CCDC138: variants seen among roughly 807,000 people sequenced by gnomAD.
CCDC138 encodes coiled-coil domain-containing protein 138.
CCDC138 carries 66 observed loss-of-function variants against 82.3 expected under a neutral mutation model. The observed-to-expected ratio is 0.80, with a 90% CI of 0.66 to 0.98. The LOEUF (loss-of-function observed/expected upper bound fraction) is 0.98. Ranked by LOEUF, CCDC138 falls within the 50% of genes least tolerant of loss-of-function variation. CCDC138 has a pLI of 0.00. For synonymous variants in CCDC138, 297 were observed against 265.4 expected, an observed-to-expected ratio of 1.12 and a Z score of -1.16; for missense variants, 816 against 758.9, an observed-to-expected ratio of 1.08 and a Z score of -0.88.
At position 108,876,097 on chromosome 2, in the gene CCDC138, G is replaced by T; in HGVS notation, c.1842G>T (p.Lys614Asn). Residue 614 changes from lysine (K) to asparagine (N), a missense_variant, in exon 15 of 15, where the codon AAG becomes AAT. By Grantham distance (94) the Lys-to-Asn change is moderately conservative (BLOSUM62 0). Transcript: ENST00000295124. The part of the protein sequence containing the change: ...LQKLSKIKSN[K>N]KLFELFTIHL... ...TTCATTTTTTTTACAGGAGTAATAAGAAGCTCTTTGAACTTTTTACGATTC... is the reference window on the plus strand; with the variant it reads ...TTCATTTTTTTTACAGGAGTAATAATAAGCTCTTTGAACTTTTTACGATTC... 1 of 1,586,150 alleles carries T rather than the reference G, an allele frequency of 6.3e-7. No homozygotes were observed. The highest frequency in any genetic ancestry group is 1.7e-5 in the Admixed American group (1 of 59,414).
intron 9 of CCDC138, among the ~76,000 whole-genome samples, chr2:108,813,427 A>T (rs1684241446): frequency 6.6e-6 from 1 of 152,142 alleles, no homozygotes; most frequent in Non-Finnish European, 1.5e-5. Flanking sequence ...TTTAAAATAT[A>T]CTTTCATTTG....
intron 12 of CCDC138, among the ~76,000 whole-genome samples, chr2:108,850,522 G>A (rs973056620): frequency 6.6e-6 from 1 of 152,084 alleles, no homozygotes; most frequent in African/African-American, 2.4e-5. Flanking sequence ...CACGATCTTG[G>A]CTCACTGCAG....
intron 12 of CCDC138, among the ~76,000 whole-genome samples, chr2:108,853,907 T>TATATATTA (rs1558737277): frequency 8.3e-6 from 1 of 121,100 alleles, no homozygotes; most frequent in African/African-American, 3.4e-5. Context: ...ATATTATATA[T>TATATATTA]TATATAGTAT....
chr2:108,810,603 G>C (rs1683628231), intron 7 of CCDC138, among the ~76,000 whole-genome samples: 1 of 152,134 alleles, frequency 6.6e-6, no homozygotes, highest in African/African-American at 2.4e-5. Flanking sequence ...TGTTCATCAG[G>C]AATATTGGCC....
intron 6 of CCDC138, among the ~76,000 whole-genome samples, chr2:108,799,456 C>T: frequency 6.6e-6 from 1 of 152,178 alleles, no homozygotes; most frequent in Non-Finnish European, 1.5e-5. Context: ...TGTAGCTATC[C>T]CTTTCCTCCA....
intron 10 of CCDC138, among the ~76,000 whole-genome samples, chr2:108,833,559 A>G (rs1401115742): frequency 2.6e-5 from 4 of 152,228 alleles, no homozygotes; most frequent in Admixed American, 2.6e-4. Flanking sequence ...TTTATAGTCC[A>G]TGACAAAGGT....
intron 6 of CCDC138, 59 bp downstream of exon 6, chr2:108,798,645 C>T (rs1681319128): frequency 7.5e-7 from 1 of 1,339,056 alleles, no homozygotes; most frequent in Non-Finnish European, 1.0e-6. Flanking sequence ...CTTAGATTCA[C>T]TAGTTACTAA....
intron 10 of CCDC138, among the ~76,000 whole-genome samples, chr2:108,818,606 T>C (rs1056094323): frequency 2.0e-5 from 3 of 152,222 alleles, no homozygotes; most frequent in African/African-American, 7.2e-5. Flanking sequence ...ACTAATTAAA[T>C]ACTTGTGGCC....
intron 12 of CCDC138, among the ~76,000 whole-genome samples, chr2:108,847,871 CTTATGG>C (rs1690750993): frequency 6.6e-6 from 1 of 152,112 alleles, no homozygotes; most frequent in Admixed American, 6.5e-5. Flanking sequence ...ATTTTGCCTC[CTTATGG>C]TTATGGTTCT....
chr2:108,818,380 T>G (rs1271431978), intron 10 of CCDC138, among the ~76,000 whole-genome samples: 1 of 152,180 alleles, frequency 6.6e-6, no homozygotes, highest in African/African-American at 2.4e-5. Flanking sequence ...AGAATAATAT[T>G]TAGCACGTGT....
At chr2:108,794,774 C>A (rs1465891202) in intron 5 of CCDC138, 53 bp downstream of exon 5, 61 of 1,340,848 alleles carry the variant, frequency 4.5e-5, no homozygotes, top group Non-Finnish European at 6.2e-5. Context: ...TTCTAAGAAC[C>A]AAGCATTTAC....
chr2:108,819,039 A>T (rs977429020), intron 10 of CCDC138, among the ~76,000 whole-genome samples: 11 of 152,250 alleles, frequency 7.2e-5, no homozygotes, highest in Non-Finnish European at 1.2e-4. Context: ...ACTATGTGTT[A>T]CAAGTAAAGA....
At chr2:108,857,123 A>G (rs1398296240) in intron 13 of CCDC138, among the ~76,000 whole-genome samples, 153 bp downstream of exon 13, 2 of 113,220 alleles carry the variant, frequency 1.8e-5, no homozygotes, top group African/African-American at 6.9e-5. Context: ...TTTGTCGTCA[A>G]GCTGGAGTGC....
At chr2:108,853,884 T>TATATTATATA (rs1558736968) in intron 12 of CCDC138, among the ~76,000 whole-genome samples, 2 of 123,470 alleles carry the variant, frequency 1.6e-5, no homozygotes, top group African/African-American at 6.4e-5. Flanking sequence ...ATATAATATA[T>TATATTATATA]TATATAGTAT....
At chr2:108,816,944 G>T (rs1157117058) in intron 10 of CCDC138, among the ~76,000 whole-genome samples, 3 of 152,154 alleles carry the variant, frequency 2.0e-5, no homozygotes, top group African/African-American at 7.2e-5. Context: ...CATTCCTCCT[G>T]CCTTGGCCTC....
At position 108,873,486 on chromosome 2, in the gene CCDC138, T is replaced by C. The variant is rs1336461894; in HGVS notation, c.1729T>C (p.Ser577Pro). 1 of 1,606,872 alleles carries C rather than the reference T, an allele frequency of 6.2e-7. No individual in the cohort carries two copies. Among genetic ancestry groups the C allele is most frequent in the Admixed American group, 1.7e-5 (1 of 59,316 alleles). ...GCCTTTCCTGGAAGCCTGTAGCAACTCTTTATTTTTTCGTACTTGCTCTGT... is the reference window on the plus strand; with the variant it reads ...GCCTTTCCTGGAAGCCTGTAGCAACCCTTTATTTTTTCGTACTTGCTCTGT... ...LQPFLEACSN[S>P]LFFRTCSVLL... Residue 577 changes from serine to proline, a missense_variant, in exon 14 of 15, where the codon TCT becomes CCT. By Grantham distance (74) the Ser-to-Pro change is moderately conservative. Coordinates refer to ENST00000295124, the MANE Select transcript of CCDC138 (RefSeq NM_144978.3).
At chr2:108,860,837 C>T (rs1221057356) in intron 13 of CCDC138, among the ~76,000 whole-genome samples, 1 of 150,748 alleles carries the variant, frequency 6.6e-6, no homozygotes, top group Non-Finnish European at 1.5e-5. Context: ...GGGAGGAGTC[C>T]CTCCTCCTCG....
intron 12 of CCDC138, among the ~76,000 whole-genome samples, chr2:108,848,265 AG>A (rs1213391018): frequency 6.6e-6 from 1 of 152,234 alleles, no homozygotes; most frequent in Non-Finnish European, 1.5e-5. Flanking sequence ...AAATGCAATA[AG>A]GGATATTTAT....
rs938311254 is a variant in CCDC138 at position 108,807,779 on chromosome 2, G to T, written c.855+2771G>T. Among the ~76,000 whole-genome samples the T allele has an allele frequency of 3.9e-5, 6 of 151,950 alleles. No homozygotes were observed. In the East Asian group the frequency reaches 1.2e-3, roughly 29 times the overall value. ...ATTACAGGCGCCCACCACCACACCT[G>T]GCTAATTTTTGTATTTTTAGTAGAG... is the stretch of plus-strand genomic sequence containing the variant. On this transcript the variant is annotated intron_variant, in intron 7 of 14. Coordinates refer to ENST00000295124, the MANE Select transcript of CCDC138 (RefSeq NM_144978.3).
Sources: gnomAD v4.1 joint callset for allele counts (sites outside exome capture counted in the v4.1 genomes callset) on GRCh38, gnomAD v4.1.1 for gene constraint, MANE v1.5 for transcripts, NCBI Gene and HGNC (gene_info 2026-07-23, HGNC 2026-07-21) for gene names.